The following NOVA1 variants were observed in gnomAD, a reference collection of about 807,000 sequenced individuals.
NOVA1 encodes RNA-binding protein Nova-1.
In NOVA1, 7 loss-of-function variants were observed where a neutral mutation model predicts 38.0. The observed-to-expected ratio is 0.18, with a 90% CI of 0.10 to 0.35. The LOEUF (loss-of-function observed/expected upper bound fraction) is 0.35. Among genes scored for constraint, NOVA1 ranks in the 10% least tolerant of loss-of-function variants. NOVA1 has a pLI of 1.00. For synonymous variants in NOVA1, 270 were observed against 232.5 expected, an observed-to-expected ratio of 1.16 and a Z score of -1.47; for missense variants, 460 against 616.0, an observed-to-expected ratio of 0.75 and a Z score of 2.68.
intron 2 of NOVA1, among the ~76,000 whole-genome samples, chr14:26,563,194 A>G (rs1891930004): frequency 6.6e-6 from 1 of 152,006 alleles, no homozygotes; most frequent in African/African-American, 2.4e-5. Flanking sequence ...AGAAAGAAGG[A>G]AGGAAGGAAG....
intron 2 of NOVA1, among the ~76,000 whole-genome samples, chr14:26,527,416 G>A (rs1889386113): frequency 6.6e-6 from 1 of 151,980 alleles, no homozygotes; most frequent in Admixed American, 6.6e-5. Context: ...GCACTGCCTT[G>A]GTAGAGACCA....
chr14:26,448,469 T>C lies in NOVA1; in HGVS notation c.1014A>G (p.Gln338=), dbSNP rs763300722. 2.1e-5 allele frequency: 34 copies of C among 1,613,516 alleles called. 1 individual carries two copies. Among genetic ancestry groups the C allele is most frequent in the Middle Eastern group, 1.6e-4 (1 of 6,082 alleles). ...CAGCCAAAGCCCCTGTTGCTGCTGC[T>C]TGACTGAGACCTAAACCTAAAGTGT... ...NLNTLGLGLS[Q]AAATGALAAA... is the part of the protein sequence containing the mutation. The change falls in exon 5 of 5, where the codon CAA becomes CAG. Residue 338 remains glutamine (Q), a synonymous_variant. Coordinates refer to ENST00000539517, the MANE Select transcript of NOVA1 (RefSeq NM_002515.3). This position sits in a 1 kb window ranked among gnomAD's most constrained non-coding sequence, Gnocchi z 5.3.
chr14:26,543,366 T>C (rs1018737561), intron 2 of NOVA1, among the ~76,000 whole-genome samples: 1 of 151,928 alleles, frequency 6.6e-6, no homozygotes, highest in African/African-American at 2.4e-5. Flanking sequence ...GCATATAATG[T>C]CCCAAACACA....
intron 2 of NOVA1, among the ~76,000 whole-genome samples, chr14:26,594,849 C>A (rs531237533): frequency 5.0e-4 from 76 of 152,154 alleles, no homozygotes; most frequent in African/African-American, 1.7e-3. Context: ...TTACTTCTTG[C>A]ATAACAGTAT....
rs1395424807 is a variant in NOVA1 at position 26,484,432 on chromosome 14, A to G, written c.281-4289T>C. ...GCCTGGGCGAGACTCCGTCTCGAAA[A>G]AAAAAAAAAAAAAAAAAAAAAAAAA... On this transcript the variant is annotated intron_variant, in intron 2 of 4. Transcript: ENST00000539517. Among the ~76,000 whole-genome samples the G allele has an allele frequency of 2.5e-3, 32 of 12,776 alleles. No individual in the cohort carries two copies. The East Asian group carries it at 0.025, about 10-fold the overall frequency. The allele number at this position is 12,776 out of a possible 152,430, so 8.4% of individuals were successfully genotyped here.
At chr14:26,578,027 CG>C (rs1213393044) in intron 2 of NOVA1, among the ~76,000 whole-genome samples, 1 of 150,982 alleles carries the variant, frequency 6.6e-6, no homozygotes, top group African/African-American at 2.4e-5. Context: ...AAGAAATATA[CG>C]GCTGCAACCA....
At chr14:26,494,255 CT>C (rs1238492046) in intron 2 of NOVA1, among the ~76,000 whole-genome samples, 1 of 152,170 alleles carries the variant, frequency 6.6e-6, no homozygotes, top group African/African-American at 2.4e-5. Context: ...CAAAATTAGA[CT>C]GTGTCCTTAG....
intron 4 of NOVA1, among the ~76,000 whole-genome samples, chr14:26,464,465 C>G (rs1453569037): frequency 2.0e-5 from 3 of 152,168 alleles, no homozygotes; most frequent in Admixed American, 6.6e-5. Context: ...ACAACAATAT[C>G]GTTTAGGATA....
chr14:26,540,962 T>C (rs965482155), intron 2 of NOVA1, among the ~76,000 whole-genome samples: 1 of 152,168 alleles, frequency 6.6e-6, no homozygotes, highest in Non-Finnish European at 1.5e-5. Flanking sequence ...AGCTAGAGTT[T>C]TATCAACAGA....
intron 2 of NOVA1, among the ~76,000 whole-genome samples, chr14:26,582,136 T>C (rs569713605): frequency 6.6e-6 from 1 of 151,962 alleles, no homozygotes; most frequent in South Asian, 2.1e-4. Context: ...ACACAGAAAT[T>C]GCAAAAGATA....
intron 4 of NOVA1, among the ~76,000 whole-genome samples, chr14:26,462,101 C>T (rs1276835257): frequency 6.6e-6 from 1 of 151,828 alleles, no homozygotes; most frequent in East Asian, 1.9e-4. Flanking sequence ...TCAGTGTGCC[C>T]TAAGCGTATA....
intron 2 of NOVA1, among the ~76,000 whole-genome samples, chr14:26,585,854 T>C (rs1893484294): frequency 6.6e-6 from 1 of 151,342 alleles, no homozygotes; most frequent in East Asian, 1.9e-4. Context: ...CTAACACTTC[T>C]ATGCATTTCT....
chr14:26,594,538 C>T (rs1365625223), intron 2 of NOVA1: 1 of 151,860 alleles, frequency 6.6e-6, no homozygotes, highest in Non-Finnish European at 1.5e-5. Context: ...TCACAGAAAG[C>T]TAGATTTAAA....
chr14:26,564,470 G>C (rs1489274107), intron 2 of NOVA1, among the ~76,000 whole-genome samples: 1 of 152,086 alleles, frequency 6.6e-6, no homozygotes, highest in Non-Finnish European at 1.5e-5. Flanking sequence ...AGAAACACAG[G>C]TTAAGTAGCT....
chr14:26,548,266 A>C (rs183192824), intron 2 of NOVA1, among the ~76,000 whole-genome samples: 1 of 152,148 alleles, frequency 6.6e-6, no homozygotes, highest in Admixed American at 6.5e-5. Flanking sequence ...TAAAAGGAAA[A>C]CACTTAAAAT....
rs1179556122 is a variant in NOVA1, at chr14:26,516,906, C to CTTTTTTTT, written c.281-36771_281-36764dup. 1.5e-5 allele frequency among the ~76,000 whole-genome samples: 2 copies of CTTTTTTTT among 135,618 alleles called. 1 individual carries two copies. 89.0% of individuals were successfully genotyped at this position (135,618 alleles called of 152,430 possible). Reference sequence around the variant, plus strand: ...ACTGCCTAGCTCTCTGACTTTGCCTCTTTTTTTTTTTTTTTTGGAGATGGA... The same window carrying CTTTTTTTT: ...ACTGCCTAGCTCTCTGACTTTGCCTCTTTTTTTTTTTTTTTTTTTTTTTTGGAGATGGA... On this transcript the variant is annotated intron_variant, in intron 2 of 4. Transcript: ENST00000539517.
intron 2 of NOVA1, among the ~76,000 whole-genome samples, chr14:26,500,783 A>C: frequency 6.6e-6 from 1 of 152,118 alleles, no homozygotes; most frequent in East Asian, 1.9e-4. Context: ...AGATAAGTTG[A>C]AGATACAAGA....
At chr14:26,595,864 CAATTCT>C in intron 1 of NOVA1, 1 of 343,820 alleles carries the variant, frequency 2.9e-6, no homozygotes, top group Middle Eastern at 4.2e-4. Context: ...GGAAATCTTC[CAATTCT>C]ATCTGTGGCA....
chr14:26,458,389 CACA>C (rs1247475080), intron 4 of NOVA1, among the ~76,000 whole-genome samples: 1 of 152,024 alleles, frequency 6.6e-6, no homozygotes, highest in East Asian at 1.9e-4. Flanking sequence ...GTATGTTCAT[CACA>C]ACACTATTCA....
Sources: allele counts gnomAD v4.1 joint callset (sites outside exome capture counted in the v4.1 genomes callset), GRCh38; gene constraint gnomAD v4.1.1; non-coding constraint Gnocchi (gnomAD v3.1); transcripts MANE v1.5; gene names NCBI Gene and HGNC (gene_info 2026-07-23, HGNC 2026-07-21).